The following PPP2R2B variants were observed in gnomAD, a reference collection of about 807,000 sequenced individuals.
PPP2R2B encodes serine/threonine-protein phosphatase 2A 55 kDa regulatory subunit B beta isoform.
PPP2R2B carries 5 observed loss-of-function variants against 46.0 expected under a neutral mutation model. That is an observed-to-expected ratio of 0.11 (90% CI 0.06 to 0.23). PPP2R2B has a LOEUF of 0.23. Ranked by LOEUF, PPP2R2B falls within the 10% of genes least tolerant of loss-of-function variation. The pLI is 1.00. For synonymous variants in PPP2R2B, 215 were observed against 206.7 expected (o/e 1.04, Z -0.34); for missense variants, 367 against 575.0 (o/e 0.64, Z 3.70).
At chr5:146,644,396 C>A (rs11960073) in intron 6 of PPP2R2B, among the ~76,000 whole-genome samples, 8,770 of 152,056 alleles carry the variant, frequency 0.058, 370 homozygotes, top group East Asian at 0.21. Flanking sequence ...TGATGCGAAT[C>A]CAATGTATAG....
chr5:147,002,753 C>G (rs1186472077), intron 1 of PPP2R2B, among the ~76,000 whole-genome samples: 1 of 148,584 alleles, frequency 6.7e-6, no homozygotes, highest in African/African-American at 2.4e-5. Flanking sequence ...GGTTCTCGGG[C>G]AAGAGATGTT....
intron 2 of PPP2R2B, among the ~76,000 whole-genome samples, chr5:146,723,680 A>G (rs1269979610): frequency 6.6e-6 from 1 of 152,116 alleles, no homozygotes; most frequent in African/African-American, 2.4e-5. Flanking sequence ...GATTGGCCCA[A>G]TGGTCGATGT....
At chr5:147,011,048 C>A (rs1341937347) in intron 1 of PPP2R2B, among the ~76,000 whole-genome samples, 1 of 152,196 alleles carries the variant, frequency 6.6e-6, no homozygotes, top group Non-Finnish European at 1.5e-5. Context: ...TTGCCACGCT[C>A]CCTTCCTGTG....
rs563630934 is a variant in PPP2R2B, at chr5:146,658,027, G to A, written c.448-7303C>T. On this transcript the variant is annotated intron_variant, in intron 5 of 9. Transcript: ENST00000394411. ...ATTTATTGAGCATCTACTACATGCTGAGAAGTTGCCACACAGAGTATCCTT... is the reference window on the plus strand; with the variant it reads ...ATTTATTGAGCATCTACTACATGCTAAGAAGTTGCCACACAGAGTATCCTT... Among the ~76,000 whole-genome samples, 3 of 152,304 alleles carry A rather than the reference G, an allele frequency of 2.0e-5. No individual in the cohort carries two copies. In the South Asian group the frequency reaches 6.2e-4, roughly 32 times the overall value.
Position 147,052,778 on chromosome 5 carries a change from T to C in PPP2R2B, c.79+2887A>G, listed in dbSNP as rs539927457. On this transcript the variant is annotated intron_variant, in intron 1 of 8. Transcript: ENST00000336640. ...ATAGAGAGGTTTTAAATGTGAGTGTTTGTGTTTTAGAGTGTGGGGTGGTAA... is the reference window on the plus strand; with the variant it reads ...ATAGAGAGGTTTTAAATGTGAGTGTCTGTGTTTTAGAGTGTGGGGTGGTAA... Among the ~76,000 whole-genome samples the C allele has an allele frequency of 6.6e-5, 10 of 152,122 alleles. No individual in the cohort carries two copies. In the East Asian group the frequency reaches 1.9e-3, roughly 29 times the overall value.
At chr5:146,819,467 C>T (rs1003798487) in intron 2 of PPP2R2B, among the ~76,000 whole-genome samples, 4 of 152,154 alleles carry the variant, frequency 2.6e-5, no homozygotes, top group Non-Finnish European at 5.9e-5. Flanking sequence ...AACATGGCAC[C>T]TCTCTTTGAA....
At chr5:146,944,918 G>T (rs1027344395) in intron 1 of PPP2R2B, among the ~76,000 whole-genome samples, 9 of 152,096 alleles carry the variant, frequency 5.9e-5, no homozygotes, top group Admixed American at 5.9e-4. Context: ...TTAGTGATTA[G>T]ATCAGCTTCT....
At chr5:147,004,772 T>C (rs1425710008) in intron 1 of PPP2R2B, among the ~76,000 whole-genome samples, 2 of 152,128 alleles carry the variant, frequency 1.3e-5, no homozygotes, top group Non-Finnish European at 2.9e-5. Flanking sequence ...TCCCACAGGA[T>C]GAAACTTTTC....
At chr5:147,055,873 G>T (rs1035605416) in exon 1 of PPP2R2B, 1 of 1,458,548 alleles carries the variant, frequency 6.9e-7, no homozygotes, top group African/African-American at 1.4e-5. Context: ...TGCAAAGCTG[G>T]GGTGCCCGAG....
At chr5:147,067,169 T>C (rs1270114288) in intron 2 of PPP2R2B, among the ~76,000 whole-genome samples, 2 of 152,196 alleles carry the variant, frequency 1.3e-5, no homozygotes, top group Non-Finnish European at 2.9e-5. Flanking sequence ...TACATACTTA[T>C]TATTTACTTA....
intron 1 of PPP2R2B, chr5:147,035,210 T>C (rs1314817833): frequency 4.5e-6 from 2 of 440,244 alleles, no homozygotes; most frequent in Non-Finnish European, 4.5e-6. Context: ...CTTACAATCA[T>C]GGCAGAAGGC....
chr5:146,988,503 G>T (rs1423647123), intron 1 of PPP2R2B, among the ~76,000 whole-genome samples: 1 of 151,886 alleles, frequency 6.6e-6, no homozygotes, highest in Admixed American at 6.6e-5. Context: ...TAAACAACTT[G>T]CTCATGAAAA....
intron 2 of PPP2R2B, among the ~76,000 whole-genome samples, chr5:146,805,089 C>T (rs550690789): frequency 6.6e-6 from 1 of 152,224 alleles, no homozygotes; most frequent in African/African-American, 2.4e-5. Context: ...AACTTTATTG[C>T]AAGGAGAAGG....
At chr5:146,889,790 G>A (rs1762438500) in intron 1 of PPP2R2B, among the ~76,000 whole-genome samples, 1 of 152,220 alleles carries the variant, frequency 6.6e-6, no homozygotes, top group Non-Finnish European at 1.5e-5. Context: ...ATTGTTGTCA[G>A]AAGTTAGGGC....
At chr5:146,937,747 T>C (rs1370067581) in intron 1 of PPP2R2B, among the ~76,000 whole-genome samples, 1 of 152,084 alleles carries the variant, frequency 6.6e-6, no homozygotes, top group African/African-American at 2.4e-5. Flanking sequence ...AGCTCTTGGT[T>C]ATCTGCAACA....
chr5:146,963,528 A>G (rs972972639), intron 1 of PPP2R2B, among the ~76,000 whole-genome samples: 1 of 152,084 alleles, frequency 6.6e-6, no homozygotes, highest in East Asian at 1.9e-4. Context: ...ACTTAATTGA[A>G]CATATTGTGT....
At chr5:146,644,391 C>T (rs746619525) in intron 6 of PPP2R2B, among the ~76,000 whole-genome samples, 89 of 151,964 alleles carry the variant, frequency 5.9e-4, no homozygotes, top group Non-Finnish European at 7.4e-4. Context: ...AACTGTGATG[C>T]GAATCCAATG....
rs530587578 is a variant in PPP2R2B at position 146,854,299 on chromosome 5, CATAAT to C, written c.70+23698_70+23702del. ...GAAATTCAAGGCAATTTTTAAAATA[CATAAT>C]ATGTTACATATTTATGGGGTACATG... On this transcript the variant is annotated intron_variant, in intron 2 of 9. Transcript: ENST00000394411. Among the ~76,000 whole-genome samples the C allele has an allele frequency of 2.4e-3, 368 of 152,184 alleles. 4 individuals are homozygous for C. The highest frequency in any genetic ancestry group is 1.2e-3 in the Non-Finnish European group (80 of 67,984).
At chr5:146,662,803 C>G (rs571606228) in intron 5 of PPP2R2B, among the ~76,000 whole-genome samples, 1 of 151,934 alleles carries the variant, frequency 6.6e-6, no homozygotes, top group African/African-American at 2.4e-5. Context: ...AAAAGGGTTA[C>G]TATTTATGAT....
Sources: gnomAD v4.1 joint callset for allele counts (sites outside exome capture counted in the v4.1 genomes callset) on GRCh38, gnomAD v4.1.1 for gene constraint, MANE v1.5 for transcripts, NCBI Gene and HGNC (gene_info 2026-07-23, HGNC 2026-07-21) for gene names.